PTPRT: variants seen among roughly 807,000 people sequenced by gnomAD.
The protein encoded by PTPRT is protein tyrosine phosphatase receptor type T, also known as receptor-type tyrosine-protein phosphatase T.
In PTPRT, 56 loss-of-function variants were observed where a neutral mutation model predicts 176.8. The ratio of observed to expected loss-of-function variants is 0.32; its 90% confidence interval spans 0.26 to 0.40. The LOEUF is 0.40. Ranked by LOEUF, PTPRT falls within the 10% of genes least tolerant of loss-of-function variation. The probability of loss-of-function intolerance (pLI) is 1.00; values close to 1 mark genes in which losing one functional copy is unlikely to be tolerated. For missense variants in PTPRT, 1,540 were observed against 1,908.2 expected (o/e 0.81, Z 3.60); for synonymous variants, 783 against 739.0 (o/e 1.06, Z -0.96).
rs183510546 is a variant in PTPRT, at chr20:42,852,463, T to C, written c.214+33344A>G. ...ATAGAAAAAACCTGCTAATTTTTTT[T>C]TAGAAATTTATTTCGTATCTGGTCC... is the stretch of plus-strand genomic sequence containing the variant. On this transcript the variant is annotated intron_variant, in intron 2 of 30. Coordinates refer to ENST00000373187, the MANE Select transcript of PTPRT (RefSeq NM_007050.6). Among the ~76,000 whole-genome samples, 87 of 152,326 alleles carry C rather than the reference T, an allele frequency of 5.7e-4. 1 individual carries two copies. The East Asian group carries it at 0.015, about 26-fold the overall frequency.
chr20:42,718,968 G>A (rs1433852243), intron 6 of PTPRT, among the ~76,000 whole-genome samples: 1 of 152,230 alleles, frequency 6.6e-6, no homozygotes, highest in Non-Finnish European at 1.5e-5. Context: ...ATATTCAGGA[G>A]CTAAGTTGGT....
intron 7 of PTPRT, among the ~76,000 whole-genome samples, chr20:42,670,674 G>A (rs2075396892): frequency 6.6e-6 from 1 of 152,140 alleles, no homozygotes; most frequent in African/African-American, 2.4e-5. Flanking sequence ...TTTTCACTTG[G>A]AGAGCTGGGA....
At chr20:42,888,084 A>G (rs2079131804) in intron 1 of PTPRT, among the ~76,000 whole-genome samples, 1 of 152,086 alleles carries the variant, frequency 6.6e-6, no homozygotes, top group Admixed American at 6.6e-5. Context: ...ATAACTTTCT[A>G]TTTTTTAAAT....
chr20:42,525,632 T>C (rs914519709), intron 7 of PTPRT, among the ~76,000 whole-genome samples: 1 of 152,224 alleles, frequency 6.6e-6, no homozygotes, highest in Non-Finnish European at 1.5e-5. Flanking sequence ...GTTTTCAATA[T>C]TGGCCATAGT....
At chr20:42,228,916 T>C (rs1426215761) in intron 15 of PTPRT, among the ~76,000 whole-genome samples, 2 of 151,894 alleles carry the variant, frequency 1.3e-5, no homozygotes, top group Non-Finnish European at 2.9e-5. Flanking sequence ...AGTCAATGGG[T>C]GAAGGAATGA....
At chr20:42,249,889 C>T (rs563486800) in intron 13 of PTPRT, among the ~76,000 whole-genome samples, 3 of 152,180 alleles carry the variant, frequency 2.0e-5, no homozygotes, top group South Asian at 4.2e-4. Context: ...TATCAGCACC[C>T]GAAGTGAATT....
chr20:42,300,151 A>C (rs996815418), intron 12 of PTPRT, among the ~76,000 whole-genome samples: 8 of 150,582 alleles, frequency 5.3e-5, no homozygotes, highest in African/African-American at 2.0e-4. Flanking sequence ...CCAGCTACTC[A>C]GGAGGCTGAG....
Position 42,961,888 on chromosome 20 carries a change from T to C in PTPRT, c.89-75956A>G, listed in dbSNP as rs140086677. Among the ~76,000 whole-genome samples the C allele has an allele frequency of 1.8e-3, 269 of 151,302 alleles. 1 individual carries two copies. In the East Asian group the frequency reaches 0.039, roughly 22 times the overall value. On this transcript the variant is annotated intron_variant, in intron 1 of 30. Coordinates refer to ENST00000373187, the MANE Select transcript of PTPRT (RefSeq NM_007050.6). The stretch of plus-strand genomic sequence containing the variant: ...TAAGTGAAGGAGCGGGGCGGGAGGG[T>C]CAGAGAAGGAGGCGTACTGATGGAA...
At chr20:42,220,062 T>A (rs957503428) in intron 15 of PTPRT, among the ~76,000 whole-genome samples, 1 of 149,570 alleles carries the variant, frequency 6.7e-6, no homozygotes, top group Non-Finnish European at 1.5e-5. Flanking sequence ...TTTTTCAACA[T>A]ATAAAAATCG....
intron 2 of PTPRT, among the ~76,000 whole-genome samples, chr20:42,814,636 C>G (rs958302455): frequency 1.3e-5 from 2 of 152,132 alleles, no homozygotes; most frequent in Non-Finnish European, 2.9e-5. Flanking sequence ...ATAAAGGAAG[C>G]AAATGTCATG....
intron 16 of PTPRT, among the ~76,000 whole-genome samples, chr20:42,184,536 TCTTCC>T (rs1299713431): frequency 0.012 from 848 of 71,354 alleles, 30 homozygotes; most frequent in East Asian, 0.014. Flanking sequence ...TTCTTCTTCC[TCTTCC>T]TCTTCTTCTT....
chr20:42,078,269 C>T lies in PTPRT; in HGVS notation c.*2610G>A, dbSNP rs1457574059. Reference sequence around the variant, plus strand: ...CCTTCCTTGATCAAGTCTGGTGTCCCTGGACTTCTGGACAGCTCCAGAGCC... The same window carrying T: ...CCTTCCTTGATCAAGTCTGGTGTCCTTGGACTTCTGGACAGCTCCAGAGCC... On this transcript the variant is annotated 3_prime_UTR_variant, in exon 31 of 31. Transcript: ENST00000373187. The T allele has an allele frequency of 4.8e-6, 1 of 206,384 alleles. No individual in the cohort carries two copies. The highest frequency in any genetic ancestry group is 9.9e-6 in the Non-Finnish European group (1 of 100,820). The allele number at this position is 206,384 out of a possible 1,614,324, so 12.8% of individuals were successfully genotyped here. A position where few individuals can be genotyped will look rare whatever the true frequency, so the allele number is the denominator to read the frequency against.
Position 42,535,922 on chromosome 20 carries a change from C to T in PTPRT, c.1154-63360G>A, listed in dbSNP as rs573700885. Among the ~76,000 whole-genome samples, 676 of 152,264 alleles carry T rather than the reference C, an allele frequency of 4.4e-3. 4 individuals carry two copies. Among genetic ancestry groups the T allele is most frequent in the Non-Finnish European group, 8.0e-3 (543 of 68,012 alleles). On this transcript the variant is annotated intron_variant, in intron 7 of 30. Transcript: ENST00000373187. ...GTACTGCCAGAAGTCACTTTCTCATCCTGAGTTCAGTGACCTCATCTATAA... is the reference window on the plus strand; with the variant it reads ...GTACTGCCAGAAGTCACTTTCTCATTCTGAGTTCAGTGACCTCATCTATAA...
chr20:42,633,819 A>ATATATATATATATATG (rs1162225733), intron 7 of PTPRT, among the ~76,000 whole-genome samples: 3 of 85,612 alleles, frequency 3.5e-5, no homozygotes, highest in Admixed American at 3.8e-4. Context: ...ATATATATAT[A>ATATATATATATATATG]ATAAAATATT....
intron 7 of PTPRT, among the ~76,000 whole-genome samples, chr20:42,569,916 T>C (rs966855598): frequency 6.6e-6 from 1 of 152,208 alleles, no homozygotes; most frequent in Non-Finnish European, 1.5e-5. Flanking sequence ...GTTCCTTACA[T>C]AGCAATAGCT....
At chr20:42,194,465 A>T (rs1991122078) in intron 16 of PTPRT, among the ~76,000 whole-genome samples, 1 of 152,236 alleles carries the variant, frequency 6.6e-6, no homozygotes. Context: ...CCATTATGGG[A>T]AGAGCAGACT....
chr20:42,990,849 T>C (rs1983869615), intron 1 of PTPRT, among the ~76,000 whole-genome samples: 1 of 152,200 alleles, frequency 6.6e-6, no homozygotes, highest in Non-Finnish European at 1.5e-5. Flanking sequence ...AAGGGGAGTT[T>C]GCAGAGTTAG....
intron 11 of PTPRT, among the ~76,000 whole-genome samples, chr20:42,344,174 A>T (rs2058153492): frequency 6.6e-6 from 1 of 152,214 alleles, no homozygotes; most frequent in African/African-American, 2.4e-5. Context: ...TGCTGGGATT[A>T]CAGACATGAG....
rs146206505 is a variant in PTPRT at position 42,536,763 on chromosome 20, T to C, written c.1154-64201A>G. Among the ~76,000 whole-genome samples, 1,082 of 152,320 alleles carry C rather than the reference T, an allele frequency of 7.1e-3. 5 individuals carry two copies. Among genetic ancestry groups the C allele is most frequent in the Non-Finnish European group, 0.012 (790 of 68,028 alleles). ...AGACTGGCAGAAATGAAAACTTTTT[T>C]TGTAATATTAAGTGTCAAAAAAGAT... On this transcript the variant is annotated intron_variant, in intron 7 of 30. Transcript: ENST00000373187.
Sources: allele counts gnomAD v4.1 joint callset (sites outside exome capture counted in the v4.1 genomes callset), GRCh38; gene constraint gnomAD v4.1.1; transcripts MANE v1.5; gene names NCBI Gene and HGNC (gene_info 2026-07-23, HGNC 2026-07-21).